Variants in IQGAP2 observed in about 807,000 individuals in gnomAD.
IQGAP2 encodes the protein ras GTPase-activating-like protein IQGAP2.
In IQGAP2, 173 loss-of-function variants were observed where a neutral mutation model predicts 201.3. The observed-to-expected ratio is 0.86, with a 90% confidence interval of 0.76 to 0.98. IQGAP2 has a LOEUF of 0.98. Ranked by LOEUF, IQGAP2 falls within the 50% of genes least tolerant of loss-of-function variation. The probability of loss-of-function intolerance (pLI) is 0.00; values close to 1 mark genes in which losing one functional copy is unlikely to be tolerated. For missense variants in IQGAP2, 1,687 were observed against 1,864.8 expected, an observed-to-expected ratio of 0.90 and a Z score of 1.76; for synonymous variants, 675 against 673.9, an observed-to-expected ratio of 1.00 and a Z score of -0.03.
chr5:76,451,509 T>C (rs1190927537), intron 1 of IQGAP2, among the ~76,000 whole-genome samples: 1 of 152,188 alleles, frequency 6.6e-6, no homozygotes, highest in Non-Finnish European at 1.5e-5. Flanking sequence ...TAATAAGATA[T>C]CATGGCATTA....
intron 1 of IQGAP2, among the ~76,000 whole-genome samples, chr5:76,425,899 G>C (rs1197700375): frequency 6.6e-6 from 1 of 152,168 alleles, no homozygotes; most frequent in Non-Finnish European, 1.5e-5. Context: ...GCATGCTGGG[G>C]TTAGAAACTG....
At chr5:76,485,489 T>G (rs1385712939) in intron 2 of IQGAP2, among the ~76,000 whole-genome samples, 1 of 152,214 alleles carries the variant, frequency 6.6e-6, no homozygotes, top group African/African-American at 2.4e-5. Context: ...ATACTTTTCT[T>G]TGGTTTCCTT....
intron 1 of IQGAP2, among the ~76,000 whole-genome samples, chr5:76,409,148 C>T (rs1049575959): frequency 6.6e-6 from 1 of 151,614 alleles, no homozygotes; most frequent in Non-Finnish European, 1.5e-5. Flanking sequence ...AAACCTGTGG[C>T]CATTGGATAG....
intron 3 of IQGAP2, among the ~76,000 whole-genome samples, chr5:76,565,997 A>G (rs1463016629): frequency 1.3e-5 from 2 of 152,178 alleles, no homozygotes; most frequent in African/African-American, 4.8e-5. Flanking sequence ...CCACTGCTCT[A>G]ACAGGTGAAT....
At chr5:76,472,483 C>T (rs1755168717) in intron 2 of IQGAP2, among the ~76,000 whole-genome samples, 1 of 152,022 alleles carries the variant, frequency 6.6e-6, no homozygotes, top group Non-Finnish European at 1.5e-5. Context: ...CAGGACTTGG[C>T]GGGGGTCTGG....
At chr5:76,639,890 AAAAT>A (rs1751432583) in intron 16 of IQGAP2, among the ~76,000 whole-genome samples, 1 of 152,236 alleles carries the variant, frequency 6.6e-6, no homozygotes, top group African/African-American at 2.4e-5. Context: ...TTTGAAGAAA[AAAAT>A]GAAATTATAG....
At position 76,466,648 on chromosome 5, in the gene IQGAP2, A is replaced by G. The variant is rs571181533; in HGVS notation, c.146+4979A>G. Among the ~76,000 whole-genome samples, 4 of 152,328 alleles carry G rather than the reference A, an allele frequency of 2.6e-5. No individual in the cohort carries two copies. In the South Asian group the frequency reaches 8.3e-4, roughly 32 times the overall value. On this transcript the variant is annotated intron_variant, in intron 2 of 35. Transcript: ENST00000274364. ...AGAGGATGCTGACTACTCAGTGTCT[A>G]CATACATAAAAATGAATTTGGACCT... is the stretch of plus-strand genomic sequence containing the variant.
intron 28 of IQGAP2, among the ~76,000 whole-genome samples, chr5:76,680,683 C>T (rs1420098209): frequency 8.7e-5 from 13 of 149,964 alleles, no homozygotes; most frequent in Non-Finnish European, 1.5e-4. Context: ...CCTAGCTACT[C>T]GAGAGAATGA....
intron 5 of IQGAP2, among the ~76,000 whole-genome samples, chr5:76,584,515 G>T (rs565066694): frequency 6.6e-6 from 1 of 152,066 alleles, no homozygotes; most frequent in East Asian, 1.9e-4. Flanking sequence ...CAAGCAAAGG[G>T]GACAGCAAGG....
chr5:76,469,015 T>A (rs1437862752), intron 2 of IQGAP2, among the ~76,000 whole-genome samples: 2 of 152,218 alleles, frequency 1.3e-5, no homozygotes, highest in Non-Finnish European at 2.9e-5. Context: ...GAGGTTTGAT[T>A]ATGCTCTGTT....
At chr5:76,419,646 G>A (rs1580151294) in intron 1 of IQGAP2, among the ~76,000 whole-genome samples, 1 of 150,464 alleles carries the variant, frequency 6.6e-6, no homozygotes, top group African/African-American at 2.4e-5. Flanking sequence ...CCTCACTAGG[G>A]TATTCTTTTT....
At chr5:76,534,926 C>G (rs1284621657) in intron 2 of IQGAP2, among the ~76,000 whole-genome samples, 3 of 152,174 alleles carry the variant, frequency 2.0e-5, no homozygotes, top group Non-Finnish European at 4.4e-5. Context: ...GTTGTTCCAC[C>G]TTTATTTTAT....
At position 76,631,961 on chromosome 5, in the gene IQGAP2, T is replaced by A; in HGVS notation, c.1715T>A (p.Ile572Asn). ...KSSTSNANDI[I>N]PECADKYYDA... ...TCCACTTCTAATGCAAATGACATAA[T>A]CCCGGAGTGTGCTGACAAATACTAT... Residue 572 changes from isoleucine to asparagine, a missense_variant, in exon 15 of 36, where the codon ATC becomes AAC. Transcript: ENST00000274364. The A allele has an allele frequency of 6.2e-7, 1 of 1,612,828 alleles. No individual in the cohort carries two copies. Among genetic ancestry groups the A allele is most frequent in the Middle Eastern group, 1.7e-4 (1 of 6,052 alleles).
At chr5:76,595,870 T>C (rs75808626) in intron 9 of IQGAP2, among the ~76,000 whole-genome samples, 8,960 of 152,144 alleles carry the variant, frequency 0.059, 740 homozygotes, top group East Asian at 0.44. Context: ...AATAAATTTA[T>C]CAAAGGTAAA....
At chr5:76,533,996 A>C (rs1443222523) in intron 2 of IQGAP2, among the ~76,000 whole-genome samples, 1 of 152,168 alleles carries the variant, frequency 6.6e-6, no homozygotes, top group Non-Finnish European at 1.5e-5. Context: ...ATGAATAATG[A>C]CTTTGTGTTG....
chr5:76,665,501 C>T (rs6880881), intron 22 of IQGAP2, among the ~76,000 whole-genome samples: 2,346 of 152,194 alleles, frequency 0.015, 51 homozygotes, highest in African/African-American at 0.053. Context: ...CAGTATTATA[C>T]TACGGTTACC....
intron 1 of IQGAP2, among the ~76,000 whole-genome samples, chr5:76,426,905 G>GGGGTGTGT (rs1554054705): frequency 2.7e-5 from 4 of 146,696 alleles, no homozygotes; most frequent in East Asian, 2.0e-4. Flanking sequence ...AACCATGGAG[G>GGGGTGTGT]GTGTGTGTGT....
rs1234156824 is a variant in IQGAP2 at position 76,526,831 on chromosome 5, TA to T, written c.147-35563del. The stretch of plus-strand genomic sequence containing the variant: ...GTGATAATAGTCTAGTTTTATTACT[TA>T]AGGGGAAACTCAAAAGTGTGGATAC... On this transcript the variant is annotated intron_variant, in intron 2 of 35. Coordinates refer to ENST00000274364, the MANE Select transcript of IQGAP2 (RefSeq NM_006633.5). 4.3e-4 allele frequency among the ~76,000 whole-genome samples: 66 copies of T among 152,210 alleles called. 3 individuals are homozygous for T. Among genetic ancestry groups the T allele is most frequent in the Non-Finnish European group, 1.5e-4 (10 of 68,046 alleles).
intron 1 of IQGAP2, among the ~76,000 whole-genome samples, chr5:76,435,718 G>A (rs901660073): frequency 6.6e-6 from 1 of 152,068 alleles, no homozygotes; most frequent in Admixed American, 6.6e-5. Context: ...CTAGTCATGT[G>A]AAAATGATGT....
Sources: allele counts gnomAD v4.1 joint callset (sites outside exome capture counted in the v4.1 genomes callset), GRCh38; gene constraint gnomAD v4.1.1; transcripts MANE v1.5; gene names NCBI Gene and HGNC (gene_info 2026-07-23, HGNC 2026-07-21).